Variants in COMMD1 observed in about 807,000 individuals in gnomAD.
COMMD1 encodes the protein COMM domain-containing protein 1.
A neutral mutation model predicts 17.2 loss-of-function variants in COMMD1; 10 were observed. The ratio of observed to expected loss-of-function variants is 0.58; its 90% CI spans 0.36 to 0.99. COMMD1 has a LOEUF of 0.99. COMMD1 is among the 50% of genes least tolerant of loss of function. COMMD1 has a pLI of 0.01. For synonymous variants in COMMD1, 97 were observed against 91.6 expected (o/e 1.06, Z -0.34); for missense variants, 270 against 231.8 (o/e 1.17, Z -1.07).
intron 2 of COMMD1, among the ~76,000 whole-genome samples, chr2:62,133,697 G>A (rs1673106262): frequency 1.3e-5 from 2 of 152,172 alleles, no homozygotes; most frequent in African/African-American, 4.8e-5. Context: ...TGGGAATTAA[G>A]TATATGGTGA....
chr2:61,967,818 C>G (rs566162869), intron 1 of COMMD1, among the ~76,000 whole-genome samples: 29 of 152,296 alleles, frequency 1.9e-4, no homozygotes, highest in Non-Finnish European at 3.5e-4. Context: ...CAATTGAGAA[C>G]TGGCTCTCAT....
chr2:61,926,451 T>C (rs1471694182), intron 1 of COMMD1, among the ~76,000 whole-genome samples: 1 of 152,112 alleles, frequency 6.6e-6, no homozygotes, highest in Non-Finnish European at 1.5e-5. Flanking sequence ...ACTAATTTGG[T>C]TTAAAGATCT....
At chr2:61,953,527 C>T (rs1439468033) in intron 1 of COMMD1, among the ~76,000 whole-genome samples, 3 of 151,922 alleles carry the variant, frequency 2.0e-5, no homozygotes, top group African/African-American at 7.3e-5. Context: ...CGCCACCATG[C>T]CACCTAATTT....
intron 1 of COMMD1, among the ~76,000 whole-genome samples, chr2:61,954,027 G>A (rs1477110436): frequency 2.6e-5 from 4 of 151,978 alleles, no homozygotes; most frequent in Non-Finnish European, 4.4e-5. Flanking sequence ...AGACCAGCCT[G>A]GCCAACATCG....
chr2:62,029,045 A>G (rs992294673), intron 2 of COMMD1, among the ~76,000 whole-genome samples: 2 of 152,220 alleles, frequency 1.3e-5, no homozygotes, highest in Admixed American at 6.5e-5. Flanking sequence ...TAGCTACCAT[A>G]TGATTATTTT....
intron 2 of COMMD1, among the ~76,000 whole-genome samples, chr2:62,114,161 G>C (rs933913454): frequency 1.3e-5 from 2 of 152,176 alleles, no homozygotes; most frequent in African/African-American, 4.8e-5. Context: ...TAGTAACATA[G>C]AAAACCCCAA....
chr2:62,098,681 T>A lies in COMMD1; in HGVS notation c.463-37150T>A, dbSNP rs545633870. The stretch of plus-strand genomic sequence containing the variant: ...TTGTTTGGGCGTATTTTACATTGTT[T>A]CACCTTTGCCCAATCTGTAACCGTG... On this transcript the variant is annotated intron_variant, in intron 2 of 2. Coordinates refer to ENST00000311832, the MANE Select transcript of COMMD1 (RefSeq NM_152516.4). Among the ~76,000 whole-genome samples the A allele has an allele frequency of 2.5e-3, 380 of 152,350 alleles. 1 individual carries two copies. The highest frequency in any genetic ancestry group is 4.4e-3 in the Non-Finnish European group (302 of 68,028).
intron 2 of COMMD1, among the ~76,000 whole-genome samples, chr2:62,047,033 A>G (rs1670402298): frequency 1.3e-5 from 2 of 152,148 alleles, no homozygotes; most frequent in African/African-American, 4.8e-5. Flanking sequence ...AGATACCAAA[A>G]AGTATTCAGG....
intron 1 of COMMD1, among the ~76,000 whole-genome samples, chr2:61,971,443 A>T (rs996502507): frequency 5.3e-5 from 8 of 152,178 alleles, no homozygotes; most frequent in Non-Finnish European, 1.0e-4. Flanking sequence ...CCTCTTTCCA[A>T]ATAAGGAAAG....
At chr2:61,951,414 C>T (rs1045464429) in intron 1 of COMMD1, among the ~76,000 whole-genome samples, 3 of 150,854 alleles carry the variant, frequency 2.0e-5, no homozygotes, top group East Asian at 1.9e-4. Context: ...GAGCCGACAT[C>T]GTGCCACAGC....
intron 1 of COMMD1, among the ~76,000 whole-genome samples, chr2:61,994,212 C>T (rs1344103813): frequency 6.6e-6 from 1 of 152,118 alleles, no homozygotes; most frequent in African/African-American, 2.4e-5. Flanking sequence ...GTCATGAACT[C>T]CTGACCTCAG....
intron 2 of COMMD1, among the ~76,000 whole-genome samples, chr2:62,067,206 C>T (rs1032146716): frequency 1.4e-5 from 2 of 146,368 alleles, no homozygotes; most frequent in African/African-American, 5.2e-5. Flanking sequence ...CCCTGGGTGG[C>T]AAGAGCGAAA....
chr2:61,995,418 G>A (rs1668729596), intron 1 of COMMD1, among the ~76,000 whole-genome samples: 1 of 152,182 alleles, frequency 6.6e-6, no homozygotes, highest in Non-Finnish European at 1.5e-5. Context: ...GTTAAACTGA[G>A]CTAGTTGGCC....
At chr2:62,114,725 C>T (rs918263226) in intron 2 of COMMD1, among the ~76,000 whole-genome samples, 5 of 152,152 alleles carry the variant, frequency 3.3e-5, no homozygotes, top group African/African-American at 1.2e-4. Flanking sequence ...GCTGCACTGG[C>T]CAGTGTCACG....
intron 2 of COMMD1, among the ~76,000 whole-genome samples, chr2:62,085,815 T>TA (rs1353288997): frequency 4.0e-5 from 6 of 150,456 alleles, no homozygotes; most frequent in Admixed American, 4.0e-4. Context: ...CCGTCTCTAC[T>TA]AAAAAAATAC....
At chr2:61,951,024 T>C (rs1220501187) in intron 1 of COMMD1, among the ~76,000 whole-genome samples, 1 of 152,120 alleles carries the variant, frequency 6.6e-6, no homozygotes, top group Non-Finnish European at 1.5e-5. Context: ...AATTGGAAGG[T>C]GTAGATGGTT....
At chr2:61,956,896 G>GCAT (rs1671212554) in intron 1 of COMMD1, among the ~76,000 whole-genome samples, 1 of 151,810 alleles carries the variant, frequency 6.6e-6, no homozygotes, top group South Asian at 2.1e-4. Context: ...GACCACAGAT[G>GCAT]CATGCCACCA....
chr2:61,955,767 C>T (rs555695449), intron 1 of COMMD1, among the ~76,000 whole-genome samples: 21 of 152,240 alleles, frequency 1.4e-4, no homozygotes, highest in African/African-American at 4.6e-4. Context: ...CTCACTGCAA[C>T]CTCCGCCTCC....
At chr2:61,911,241 A>G (rs966516372) in intron 1 of COMMD1, among the ~76,000 whole-genome samples, 4 of 151,822 alleles carry the variant, frequency 2.6e-5, no homozygotes, top group Non-Finnish European at 5.9e-5. Flanking sequence ...TGGGGAGGCC[A>G]GGGTGGGCGG....
Sources: gnomAD v4.1 joint callset for allele counts (sites outside exome capture counted in the v4.1 genomes callset) on GRCh38, gnomAD v4.1.1 for gene constraint, MANE v1.5 for transcripts, NCBI Gene and HGNC (gene_info 2026-07-23, HGNC 2026-07-21) for gene names.